ASPH: variants seen among roughly 807,000 people sequenced by gnomAD.
ASPH encodes aspartyl/asparaginyl beta-hydroxylase.
Under a neutral mutation model 118.4 loss-of-function variants are expected in ASPH, and 100 were observed. The ratio of observed to expected loss-of-function variants is 0.84; its 90% CI spans 0.72 to 1.00. The LOEUF is 1.00. Among genes scored for constraint, ASPH ranks in the 50% least tolerant of loss-of-function variants. The probability of loss-of-function intolerance (pLI) is 0.00; values close to 1 mark genes in which losing one functional copy is unlikely to be tolerated. For synonymous variants in ASPH, 315 were observed against 325.6 expected, an observed-to-expected ratio of 0.97 and a Z score of 0.35; for missense variants, 920 against 919.5, an observed-to-expected ratio of 1.00 and a Z score of -0.01.
At chr8:61,605,759 C>T (rs918495145) in intron 14 of ASPH, among the ~76,000 whole-genome samples, 2 of 152,170 alleles carry the variant, frequency 1.3e-5, no homozygotes, top group African/African-American at 4.8e-5. Flanking sequence ...CCAGATCAAA[C>T]CCCAAACTCA....
chr8:61,576,156 A>G (rs1035960842), intron 16 of ASPH, among the ~76,000 whole-genome samples: 1 of 152,176 alleles, frequency 6.6e-6, no homozygotes, highest in Admixed American at 6.5e-5. Context: ...GCTGCACCTG[A>G]CTAACCATCT....
chr8:61,582,728 T>C (rs1725201570), intron 15 of ASPH, among the ~76,000 whole-genome samples: 1 of 152,212 alleles, frequency 6.6e-6, no homozygotes, highest in African/African-American at 2.4e-5. Flanking sequence ...TGTCCCATTT[T>C]AGTTCCTAAC....
intron 14 of ASPH, among the ~76,000 whole-genome samples, chr8:61,610,041 T>TA (rs1246995685): frequency 1.3e-5 from 2 of 152,192 alleles, no homozygotes; most frequent in African/African-American, 2.4e-5. Context: ...CTTCCATCAT[T>TA]AAAAAAATTA....
chr8:61,527,299 G>A (rs1049254513), intron 21 of ASPH, among the ~76,000 whole-genome samples: 8 of 152,186 alleles, frequency 5.3e-5, no homozygotes, highest in African/African-American at 1.9e-4. Flanking sequence ...AGCAAAGCAC[G>A]AGATAATGTG....
intron 2 of ASPH, chr8:61,682,373 G>C (rs1828516013): frequency 6.8e-7 from 1 of 1,476,382 alleles, no homozygotes; most frequent in Non-Finnish European, 9.4e-7. Context: ...AATTAAATTA[G>C]TAGAAAAAGG....
chr8:61,554,055 C>G (rs1170767229), intron 19 of ASPH, among the ~76,000 whole-genome samples: 1 of 152,182 alleles, frequency 6.6e-6, no homozygotes, highest in Non-Finnish European at 1.5e-5. Context: ...GATAACTGAC[C>G]AGGCCAGCTC....
At chr8:61,564,361 T>A (rs1335477585) in intron 17 of ASPH, among the ~76,000 whole-genome samples, 2 of 150,438 alleles carry the variant, frequency 1.3e-5, no homozygotes, top group Non-Finnish European at 3.0e-5. Context: ...TGCAGTGGCA[T>A]GATCTCGGCT....
intron 14 of ASPH, among the ~76,000 whole-genome samples, chr8:61,599,860 C>A (rs1467249669): frequency 6.6e-6 from 1 of 152,164 alleles, no homozygotes; most frequent in African/African-American, 2.4e-5. Flanking sequence ...AATTCTCAAA[C>A]TATTCCAAAA....
At chr8:61,602,729 CT>C (rs1429968621) in intron 14 of ASPH, among the ~76,000 whole-genome samples, 2 of 151,206 alleles carry the variant, frequency 1.3e-5, no homozygotes, top group Admixed American at 1.3e-4. Flanking sequence ...CTTGGGATCA[CT>C]GGATATGGTC....
intron 1 of ASPH, among the ~76,000 whole-genome samples, chr8:61,699,272 A>G (rs1834681379): frequency 6.6e-6 from 1 of 152,224 alleles, no homozygotes; most frequent in African/African-American, 2.4e-5. Flanking sequence ...CTTTTCCTAC[A>G]TACAGATCAG....
At chr8:61,575,810 C>A (rs1390800486) in intron 16 of ASPH, among the ~76,000 whole-genome samples, 2 of 152,186 alleles carry the variant, frequency 1.3e-5, no homozygotes, top group Non-Finnish European at 2.9e-5. Flanking sequence ...TGCAAATTAA[C>A]CAATCCAGAG....
chr8:61,664,962 T>C, intron 3 of ASPH: 3 of 1,137,390 alleles, frequency 2.6e-6, no homozygotes, highest in African/African-American at 3.2e-5. Context: ...AAGTATTCAA[T>C]ATATTAATCC....
intron 14 of ASPH, among the ~76,000 whole-genome samples, chr8:61,592,724 T>C (rs968757715): frequency 1.3e-5 from 2 of 152,216 alleles, no homozygotes; most frequent in Admixed American, 1.3e-4. Flanking sequence ...TACTGCAATA[T>C]TATTCATAGC....
chr8:61,604,712 T>C (rs889583925), intron 14 of ASPH, among the ~76,000 whole-genome samples: 9 of 152,208 alleles, frequency 5.9e-5, no homozygotes, highest in African/African-American at 2.2e-4. Context: ...TGACAAACTT[T>C]TTACCATGGT....
chr8:61,563,744 T>C (rs4400380), intron 17 of ASPH, among the ~76,000 whole-genome samples: 1 of 152,064 alleles, frequency 6.6e-6, no homozygotes, highest in Non-Finnish European at 1.5e-5. Context: ...AATCTGGGCT[T>C]CCTTTTCTAT....
Position 61,653,656 on chromosome 8 carries a change from A to G in ASPH, c.327T>C (p.Leu109=), listed in dbSNP as rs768072645. 1.7e-5 allele frequency: 28 copies of G among 1,613,302 alleles called. No homozygotes were observed. Among genetic ancestry groups the G allele is most frequent in the Non-Finnish European group, 2.3e-5 (27 of 1,179,822 alleles). ...CTGGCTCTGAAGTAGATCTCTCTTT[A>G]AGTCCTGCATTTTTTTATTCACAAA... ...DVDDAKVLLG[L]KERSTSEPAV... The change falls in exon 4 of 25, where the codon CTT becomes CTC. Residue 109 remains leucine, a synonymous_variant. Transcript: ENST00000379454.
At chr8:61,607,310 G>A (rs908313278) in intron 14 of ASPH, 13 of 701,784 alleles carry the variant, frequency 1.9e-5, no homozygotes, top group East Asian at 5.4e-5. Flanking sequence ...TTCACCAGAC[G>A]CAAATGAGTC....
intron 22 of ASPH, among the ~76,000 whole-genome samples, chr8:61,520,605 A>G (rs1812596731): frequency 6.6e-6 from 1 of 152,264 alleles, no homozygotes. Flanking sequence ...AATGAACAAT[A>G]AATGTCAGTT....
At chr8:61,666,992 T>G (rs1373729404) in intron 3 of ASPH, among the ~76,000 whole-genome samples, 1 of 152,324 alleles carries the variant, frequency 6.6e-6, no homozygotes, top group East Asian at 1.9e-4. Flanking sequence ...TCATTATTTA[T>G]ATAAAAATAA....
Sources: allele counts gnomAD v4.1 joint callset (sites outside exome capture counted in the v4.1 genomes callset), GRCh38; gene constraint gnomAD v4.1.1; transcripts MANE v1.5; gene names NCBI Gene and HGNC (gene_info 2026-07-23, HGNC 2026-07-21).